TRDN: variants seen among roughly 807,000 people sequenced by gnomAD.
TRDN encodes the protein triadin in skeletal muscle.
TRDN carries 161 observed loss-of-function variants against 149.7 expected under a neutral mutation model. The observed-to-expected ratio is 1.08, with a 90% confidence interval of 0.95 to 1.23. The LOEUF (loss-of-function observed/expected upper bound fraction) is 1.23. TRDN is among the 50% of genes most tolerant of loss of function. The pLI is 0.00. For missense variants in TRDN, 896 were observed against 823.5 expected, an observed-to-expected ratio of 1.09 and a Z score of -1.08; for synonymous variants, 294 against 250.5, an observed-to-expected ratio of 1.17 and a Z score of -1.64.
intron 38 of TRDN, among the ~76,000 whole-genome samples, chr6:123,252,095 A>G (rs1295700924): frequency 2.6e-5 from 4 of 152,126 alleles, no homozygotes; most frequent in Non-Finnish European, 4.4e-5. Context: ...TGACAGTTAA[A>G]GGCAGATACA....
chr6:123,251,711 A>G (rs1776382306), intron 38 of TRDN, among the ~76,000 whole-genome samples: 1 of 151,954 alleles, frequency 6.6e-6, no homozygotes, highest in Non-Finnish European at 1.5e-5. Flanking sequence ...GAAATAAAAA[A>G]GGATAAATTG....
chr6:123,481,418 G>GAA (rs34840627), intron 9 of TRDN, among the ~76,000 whole-genome samples: 8 of 116,604 alleles, frequency 6.9e-5, no homozygotes, highest in African/African-American at 9.2e-5. Flanking sequence ...GAAGAAAAAG[G>GAA]AAAAAAAAAA....
chr6:123,393,686 G>GA lies in TRDN; in HGVS notation c.1052-10dup, dbSNP rs765272399. On this transcript the variant is annotated splice_polypyrimidine_tract_variant and intron_variant, in intron 12 of 40. Transcript: ENST00000334268. Reference sequence around the variant, plus strand: ...AGAAGCTTTTCCCGGCTCTTGGAATGAAAAAAACATAAATTACCATGAAGT... The same window carrying GA: ...AGAAGCTTTTCCCGGCTCTTGGAATGAAAAAAAACATAAATTACCATGAAGT... 17 of 1,597,172 alleles carry GA rather than the reference G, an allele frequency of 1.1e-5. No individual in the cohort carries two copies. The highest frequency in any genetic ancestry group is 7.9e-5 in the South Asian group (7 of 88,858).
At chr6:123,390,644 C>T (rs1013158946) in intron 13 of TRDN, among the ~76,000 whole-genome samples, 9 of 152,064 alleles carry the variant, frequency 5.9e-5, no homozygotes, top group African/African-American at 1.2e-4. Context: ...GCCAGGGTCT[C>T]GGGATTCAAT....
chr6:123,260,658 A>AG lies in TRDN; in HGVS notation c.1805-21_1805-20insC. On this transcript the variant is annotated intron_variant, in intron 33 of 40. Coordinates refer to ENST00000334268, the MANE Select transcript of TRDN (RefSeq NM_006073.4). ...TTCCTTCTTTAGAAAAAAAAAAAAA[A>AG]AGAATGTAGAAAGAAAGGAAAAAAA... The AG allele has an allele frequency of 1.0e-5, 15 of 1,451,330 alleles. No individual in the cohort carries two copies. Among genetic ancestry groups the AG allele is most frequent in the Non-Finnish European group, 1.4e-5 (15 of 1,094,400 alleles). 89.9% of individuals were successfully genotyped at this position (1,451,330 alleles called of 1,614,324 possible). A position where few individuals can be genotyped will look rare whatever the true frequency, so the allele number is the denominator to read the frequency against.
intron 9 of TRDN, among the ~76,000 whole-genome samples, chr6:123,473,941 GA>G (rs1329023843): frequency 2.6e-5 from 4 of 151,996 alleles, no homozygotes; most frequent in African/African-American, 7.2e-5. Context: ...GCTCCTGAAG[GA>G]AGAGCTAAAT....
intron 7 of TRDN, 23 bp downstream of exon 7, chr6:123,512,280 G>A: frequency 7.6e-7 from 1 of 1,308,484 alleles, no homozygotes; most frequent in Non-Finnish European, 1.1e-6. Context: ...TTTAGTTATG[G>A]AAATAATAAA....
intron 38 of TRDN, among the ~76,000 whole-genome samples, chr6:123,249,396 A>G (rs1776298875): frequency 1.3e-5 from 2 of 152,120 alleles, no homozygotes; most frequent in South Asian, 4.1e-4. Context: ...ACTAAATTAG[A>G]ACTAACATTT....
chr6:123,587,818 G>A (rs911169659), intron 1 of TRDN, among the ~76,000 whole-genome samples: 1 of 151,652 alleles, frequency 6.6e-6, no homozygotes, highest in Non-Finnish European at 1.5e-5. Context: ...CTCAGTGGGG[G>A]AGCTTTTGAG....
intron 2 of TRDN, among the ~76,000 whole-genome samples, chr6:123,565,360 G>T (rs1471004270): frequency 2.6e-5 from 4 of 152,140 alleles, no homozygotes; most frequent in South Asian, 2.1e-4. Context: ...TTTGAGGAGA[G>T]AACTAAAGTC....
In TRDN at chr6:123,265,341, A is replaced by G. The variant is rs1776903432; in HGVS notation, c.1784-3T>C. The G allele has an allele frequency of 1.4e-6, 2 of 1,419,230 alleles. No individual in the cohort carries two copies. The highest frequency in any genetic ancestry group is 1.9e-6 in the Non-Finnish European group (2 of 1,057,462). 87.9% of individuals were successfully genotyped at this position (1,419,230 alleles called of 1,614,324 possible). On this transcript the variant is annotated splice_polypyrimidine_tract_variant and splice_region_variant and intron_variant, in intron 32 of 40. Coordinates refer to ENST00000334268, the MANE Select transcript of TRDN (RefSeq NM_006073.4). ...ACTTGGAGTTGGTTTTGGTTTGTCT[A>G]AAAAGGAAAAAAGAAAAAAAAAGAA...
intron 38 of TRDN, among the ~76,000 whole-genome samples, chr6:123,231,187 A>G (rs1383223222): frequency 6.6e-6 from 1 of 152,008 alleles, no homozygotes; most frequent in African/African-American, 2.4e-5. Context: ...AACCAAAAGG[A>G]AATAGGATGC....
chr6:123,302,782 A>G (rs1411962576), intron 24 of TRDN, among the ~76,000 whole-genome samples: 1 of 152,098 alleles, frequency 6.6e-6, no homozygotes, highest in Admixed American at 6.6e-5. Flanking sequence ...GTGCATATAA[A>G]TGACTTAGGA....
intron 21 of TRDN, among the ~76,000 whole-genome samples, chr6:123,337,983 G>A (rs562968389): frequency 6.6e-5 from 10 of 152,230 alleles, no homozygotes; most frequent in South Asian, 2.1e-4. Flanking sequence ...TACTTACTAC[G>A]TGTCAGGCAA....
chr6:123,630,423 C>T (rs1340071765), intron 1 of TRDN, among the ~76,000 whole-genome samples: 1 of 151,916 alleles, frequency 6.6e-6, no homozygotes, highest in Admixed American at 6.6e-5. Context: ...TTATGTTTCT[C>T]TCATATTAAA....
intron 1 of TRDN, among the ~76,000 whole-genome samples, chr6:123,585,650 G>C (rs944503099): frequency 4.6e-5 from 7 of 152,214 alleles, no homozygotes; most frequent in Admixed American, 3.3e-4. Context: ...GAGTTGGACA[G>C]TCCGATTTCC....
At chr6:123,221,605 A>G (rs770162294) in intron 39 of TRDN, 83 bp from the exon 40 acceptor site, 7 of 839,326 alleles carry the variant, frequency 8.3e-6, no homozygotes, top group African/African-American at 1.8e-5. Flanking sequence ...GAATGTCTAA[A>G]CAGAAGCACA....
Position 123,260,630 on chromosome 6 carries a change from A to C in TRDN, c.1813T>G (p.Ser605Ala), listed in dbSNP as rs1776730692. 2.4e-6 allele frequency: 3 copies of C among 1,249,368 alleles called. No individual in the cohort carries two copies. In the South Asian group the frequency reaches 4.7e-5, roughly 20 times the overall value. The allele number at this position is 1,249,368 out of a possible 1,614,324, so 77.4% of individuals were successfully genotyped here. A position where few individuals can be genotyped will look rare whatever the true frequency, so the allele number is the denominator to read the frequency against. Residue 605 changes from serine (S) to alanine (A), a missense_variant, in exon 34 of 41, where the codon TCA becomes GCA. By Grantham distance (99) the Ser-to-Ala change is moderately conservative (BLOSUM62 1). Transcript: ENST00000334268. ...DKPKPTPKGT[S>A]EVTESGKKKT... is the part of the protein sequence containing the mutation. ...TATTTACCTGATTCTGTGACTTCTG[A>C]TGTTCCTTCTTTAGAAAAAAAAAAA...
chr6:123,579,182 A>G (rs933935495), intron 1 of TRDN, among the ~76,000 whole-genome samples: 2 of 152,108 alleles, frequency 1.3e-5, no homozygotes, highest in African/African-American at 4.8e-5. Context: ...ACTATGTTGA[A>G]GAAGAGTGGT....
Sources: allele counts gnomAD v4.1 joint callset (sites outside exome capture counted in the v4.1 genomes callset), GRCh38; gene constraint gnomAD v4.1.1; transcripts MANE v1.5; gene names NCBI Gene and HGNC (gene_info 2026-07-23, HGNC 2026-07-21).